The following ANKRD50 variants were observed in gnomAD, a reference collection of about 807,000 sequenced individuals.
ANKRD50 encodes the protein ankyrin repeat domain 50, also known as ankyrin repeat domain-containing protein 50.
ANKRD50 carries 40 observed loss-of-function variants against 112.0 expected under a neutral mutation model. That is an observed-to-expected ratio of 0.36 (90% confidence interval 0.28 to 0.46). The LOEUF is 0.46. Ranked by LOEUF, ANKRD50 falls within the 20% of genes least tolerant of loss-of-function variation. ANKRD50 has a pLI of 1.00. For synonymous variants in ANKRD50, 613 were observed against 619.1 expected, an observed-to-expected ratio of 0.99 and a Z score of 0.15; for missense variants, 1,487 against 1,701.7, an observed-to-expected ratio of 0.87 and a Z score of 2.22.
chr4:124,680,537 GA>G (rs1240427349), intron 2 of ANKRD50, among the ~76,000 whole-genome samples: 1 of 152,080 alleles, frequency 6.6e-6, no homozygotes, highest in Admixed American at 6.6e-5. Flanking sequence ...TCCTGGCAAG[GA>G]ACATGCTGAG....
In ANKRD50 at chr4:124,671,306, C is replaced by T. The variant is rs1578571666; in HGVS notation, c.1971G>A (p.Glu657=). 1 of 1,613,812 alleles carries T rather than the reference C, an allele frequency of 6.2e-7. No homozygotes were observed. The highest frequency in any genetic ancestry group is 8.5e-7 in the Non-Finnish European group (1 of 1,179,844). ...GTTGTAGCAAATTCAGTACAATATC[C>T]TCGTGTCCTCCCCATGCTGCTGCTC... ...ALRAAAWGGH[E]DIVLNLLQHG... The change falls in exon 4 of 5, where the codon GAG becomes GAA. Residue 657 remains glutamate (E), a synonymous_variant. Coordinates refer to ENST00000504087, the MANE Select transcript of ANKRD50 (RefSeq NM_020337.3).
chr4:124,703,691 GC>G (rs1163037664), intron 2 of ANKRD50, among the ~76,000 whole-genome samples: 2 of 149,866 alleles, frequency 1.3e-5, no homozygotes, highest in Admixed American at 1.3e-4. Context: ...TCAAGAAAAA[GC>G]AAAAATCTGG....
At chr4:124,712,001 G>A (rs1578599887) in intron 1 of ANKRD50, among the ~76,000 whole-genome samples, 1 of 152,100 alleles carries the variant, frequency 6.6e-6, no homozygotes, top group African/African-American at 2.4e-5. Flanking sequence ...TCCAGTTTCA[G>A]CTGACAGACA....
At chr4:124,692,865 A>G (rs1217993747) in intron 2 of ANKRD50, among the ~76,000 whole-genome samples, 1 of 152,212 alleles carries the variant, frequency 6.6e-6, no homozygotes, top group African/African-American at 2.4e-5. Context: ...GGACTAAGAC[A>G]CAAACTGACA....
In ANKRD50 at chr4:124,710,206, A is replaced by G. The variant is rs749618039; in HGVS notation, c.306T>C (p.Gly102=). 1 of 1,614,102 alleles carries G rather than the reference A, an allele frequency of 6.2e-7. No homozygotes were observed. The highest frequency in any genetic ancestry group is 2.2e-5 in the East Asian group (1 of 44,872). ...WPSSPASLQR[G]LHRQALAFHF... is the part of the protein sequence containing the mutation. ...GAAAGGCCAAAGCTTGGCGATGTAA[A>G]CCTCTCTGCAAACTTGCAGGTGAAC... Residue 102 remains glycine (G), a synonymous_variant, in exon 2 of 5, where the codon GGT becomes GGC. Coordinates refer to ENST00000504087, the MANE Select transcript of ANKRD50 (RefSeq NM_020337.3).
In ANKRD50 at chr4:124,710,062, T is replaced by C. The variant is rs1725594282; in HGVS notation, c.450A>G (p.Pro150=). The C allele has an allele frequency of 6.2e-7, 1 of 1,614,084 alleles. No individual in the cohort carries two copies. Among genetic ancestry groups the C allele is most frequent in the South Asian group, 1.1e-5 (1 of 91,088 alleles). The stretch of plus-strand genomic sequence containing the variant: ...CAGGCTGTAAGAGGCTTTGGACTGC[T>C]GGATCCCTTAGCTTGTCCTCATATC... The part of the protein sequence containing the change: ...LQGYEDKLRD[P]AVQSLLQPGE... Residue 150 remains proline, a synonymous_variant, in exon 2 of 5, where the codon CCA becomes CCG. Transcript: ENST00000504087.
chr4:124,698,068 G>A (rs4834000), intron 2 of ANKRD50, among the ~76,000 whole-genome samples: 27,627 of 152,008 alleles, frequency 0.18, 2,603 homozygotes, highest in South Asian at 0.24. Flanking sequence ...AGTAGTTGAA[G>A]AATGATATAG....
intron 2 of ANKRD50, among the ~76,000 whole-genome samples, chr4:124,700,436 A>G (rs183135015): frequency 2.6e-4 from 39 of 152,340 alleles, no homozygotes; most frequent in Non-Finnish European, 4.6e-4. Flanking sequence ...AAGAGCAGTT[A>G]GGACTCTAGT....
intron 2 of ANKRD50, among the ~76,000 whole-genome samples, chr4:124,687,427 T>C (rs1725032948): frequency 6.6e-6 from 1 of 152,046 alleles, no homozygotes; most frequent in African/African-American, 2.4e-5. Flanking sequence ...CATAAAACTA[T>C]AAAACTTTTA....
chr4:124,669,632 T>A lies in ANKRD50; in HGVS notation c.3645A>T (p.Thr1215=), dbSNP rs758439023. ...PIDSFHNLSF[T]EQIQQHSLPR... ...GCAATGAATGCTGCTGAATTTGTTC[T>A]GTAAATGACAAGTTATGAAAGCTAT... The change falls in exon 4 of 5, where the codon ACA becomes ACT. Residue 1215 remains threonine (T), a synonymous_variant. Coordinates refer to ENST00000504087, the MANE Select transcript of ANKRD50 (RefSeq NM_020337.3). 5.6e-6 allele frequency: 9 copies of A among 1,613,516 alleles called. No homozygotes were observed. The Admixed American group carries it at 1.5e-4, about 27-fold the overall frequency.
chr4:124,702,634 A>G (rs1276734074), intron 2 of ANKRD50, among the ~76,000 whole-genome samples: 1 of 152,184 alleles, frequency 6.6e-6, no homozygotes, highest in Non-Finnish European at 1.5e-5. Flanking sequence ...TATAGAACCT[A>G]GATAAGGAGT....
In ANKRD50 at chr4:124,710,601, C is replaced by A; in HGVS notation, c.-90G>T. The A allele has an allele frequency of 1.4e-6, 2 of 1,417,784 alleles. No individual in the cohort carries two copies. Among genetic ancestry groups the A allele is most frequent in the Non-Finnish European group, 1.9e-6 (2 of 1,053,376 alleles). 87.8% of individuals were successfully genotyped at this position (1,417,784 alleles called of 1,614,324 possible). A position where few individuals can be genotyped will look rare whatever the true frequency, so the allele number is the denominator to read the frequency against. On this transcript the variant is annotated 5_prime_UTR_variant, in exon 2 of 5. Transcript: ENST00000504087. ...TGACATAACTTGTATATTAAGTTGACTCTGAAGACAGAGTAACTAGTTACA... is the reference window on the plus strand; with the variant it reads ...TGACATAACTTGTATATTAAGTTGAATCTGAAGACAGAGTAACTAGTTACA...
rs1412784444 is a variant in ANKRD50, at chr4:124,670,672, G to C, written c.2605C>G (p.Gln869Glu). 3 of 1,613,182 alleles carry C rather than the reference G, an allele frequency of 1.9e-6. No homozygotes were observed. Among genetic ancestry groups the C allele is most frequent in the South Asian group, 2.2e-5 (2 of 90,870 alleles). The change falls in exon 4 of 5, where the codon CAA becomes GAA. Residue 869 changes from glutamine (Q) to glutamate (E), a missense_variant. Gln to Glu is a conservative substitution (Grantham distance 29). Transcript: ENST00000504087. ...HRLICEALIE[Q>E]GARTNEIDND... is the part of the protein sequence containing the mutation. ...TCAATCTCATTTGTTCTAGCACCTT[G>C]TTCAATAAGTGCTTCACATATCAAT...
intron 2 of ANKRD50, among the ~76,000 whole-genome samples, chr4:124,692,603 A>C (rs1169201478): frequency 6.6e-6 from 1 of 152,182 alleles, no homozygotes; most frequent in African/African-American, 2.4e-5. Context: ...CAACTAAGTC[A>C]TGAGGGCAGA....
At chr4:124,667,618 A>G (rs1730527081) in intron 4 of ANKRD50, 104 bp from the exon 5 acceptor site, 2 of 152,044 alleles carry the variant, frequency 1.3e-5, no homozygotes, top group Non-Finnish European at 2.9e-5. Context: ...ATCTTTATCT[A>G]TATATTTACC....
In ANKRD50 at chr4:124,672,063, A is replaced by G; in HGVS notation, c.1214T>C (p.Ile405Thr). Residue 405 changes from isoleucine to threonine, a missense_variant, in exon 4 of 5, where the codon ATA becomes ACA. Around this residue, in one of 2 missense-constraint regions of ANKRD50, gnomAD observed 1,046 missense variants for 1,269.5 expected, o/e 0.82. Coordinates refer to ENST00000504087, the MANE Select transcript of ANKRD50 (RefSeq NM_020337.3). ...CTCGGCAAAACTATAATGAAACAGTATTTTTGTATTTCCTAGTCCATCAAC... is the reference window on the plus strand; with the variant it reads ...CTCGGCAAAACTATAATGAAACAGTGTTTTTGTATTTCCTAGTCCATCAAC... ...LLVDGLGNTKILFHYSFAEWL... is the reference protein window; with the variant it reads ...LLVDGLGNTKTLFHYSFAEWL... The G allele has an allele frequency of 6.2e-7, 1 of 1,613,894 alleles. No homozygotes were observed.
At position 124,684,087 on chromosome 4, in the gene ANKRD50, CATTA is replaced by C. The variant is rs554221174; in HGVS notation, c.513-5186_513-5183del. Among the ~76,000 whole-genome samples the C allele has an allele frequency of 2.4e-3, 369 of 152,158 alleles. 3 individuals are homozygous for C. Among genetic ancestry groups the C allele is most frequent in the South Asian group, 0.014 (66 of 4,820 alleles). ...CAACTGTTTAACTTGGGCAATCACTCATTAATTGTTTTCATTTAAGGCAATATAT... is the reference window on the plus strand; with the variant it reads ...CAACTGTTTAACTTGGGCAATCACTCATTGTTTTCATTTAAGGCAATATAT... On this transcript the variant is annotated intron_variant, in intron 2 of 4. Transcript: ENST00000504087.
At position 124,669,854 on chromosome 4, in the gene ANKRD50, A is replaced by C; in HGVS notation, c.3423T>G (p.Thr1141=). Residue 1141 remains threonine, a synonymous_variant, in exon 4 of 5, where the codon ACT becomes ACG. Coordinates refer to ENST00000504087, the MANE Select transcript of ANKRD50 (RefSeq NM_020337.3). ...ACGAAGGCTGCATATCCCCTCCACC[A>C]GTACTACCAGAGCTATTTGATTTAA... is the stretch of plus-strand genomic sequence containing the variant. ...LTIKSNSSGS[T]GGGDMQPSLR... 1.2e-6 allele frequency: 2 copies of C among 1,612,692 alleles called. 1 individual carries two copies.
intron 2 of ANKRD50, among the ~76,000 whole-genome samples, chr4:124,698,067 A>C (rs1232585065): frequency 6.6e-6 from 1 of 152,186 alleles, no homozygotes. Context: ...TAGTAGTTGA[A>C]GAATGATATA....
Sources: gnomAD v4.1 joint callset for allele counts (sites outside exome capture counted in the v4.1 genomes callset) on GRCh38, gnomAD v4.1.1 for gene constraint, gnomAD v4.1.1 regional missense constraint, MANE v1.5 for transcripts, NCBI Gene and HGNC (gene_info 2026-07-23, HGNC 2026-07-21) for gene names.